Variants in PHEX observed in about 807,000 individuals in gnomAD.
PHEX encodes phosphate-regulating neutral endopeptidase PHEX.
In PHEX, 16 loss-of-function variants were observed where a neutral mutation model predicts 68.0. That is an observed-to-expected ratio of 0.24 (90% CI 0.16 to 0.36). PHEX has a LOEUF of 0.36. Ranked by LOEUF, PHEX falls within the 10% of genes least tolerant of loss-of-function variation. PHEX has a pLI of 1.00. For missense variants in PHEX, 480 were observed against 575.5 expected, an observed-to-expected ratio of 0.83 and a Z score of 1.70; for synonymous variants, 208 against 205.1, an observed-to-expected ratio of 1.01 and a Z score of -0.12.
chrX:22,054,158 G>A (rs1927967558), intron 3 of PHEX, among the ~76,000 whole-genome samples: 1 of 111,141 alleles, frequency 9.0e-6, no homozygotes, highest in Non-Finnish European at 1.9e-5. Context: ...TTTTGAGATG[G>A]AGTTTCACTC....
chrX:22,140,324 A>G (rs746164856), intron 12 of PHEX, among the ~76,000 whole-genome samples: 1 of 110,707 alleles, frequency 9.0e-6, no homozygotes, highest in East Asian at 2.8e-4. Context: ...TCTGCTAAAG[A>G]GCCCTGCTTG....
At chrX:22,182,222 T>C (rs1384120477) in intron 14 of PHEX, among the ~76,000 whole-genome samples, 1 of 111,950 alleles carries the variant, frequency 8.9e-6, no homozygotes, top group Non-Finnish European at 1.9e-5. Flanking sequence ...CATATATGAC[T>C]ATTACTGTGT....
chrX:22,167,404 A>G (rs1307581619), intron 12 of PHEX, among the ~76,000 whole-genome samples: 1 of 110,404 alleles, frequency 9.1e-6, no homozygotes, highest in African/African-American at 3.3e-5. Flanking sequence ...AATGATGTGG[A>G]TCATTAAAAA....
rs144301312 is a variant in PHEX, at chrX:22,194,756, A to G, written c.1645+4254A>G. 9.5e-3 allele frequency among the ~76,000 whole-genome samples: 1,061 copies of G among 112,231 alleles called. 14 individuals carry two copies. Among genetic ancestry groups the G allele is most frequent in the African/African-American group, 0.031 (943 of 30,914 alleles). ...TGATTTGTGGCCATCTTTCAATGTTAGATTTTTACAGGGTGGTTACAACTT... is the reference window on the plus strand; with the variant it reads ...TGATTTGTGGCCATCTTTCAATGTTGGATTTTTACAGGGTGGTTACAACTT... On this transcript the variant is annotated intron_variant, in intron 15 of 21. Coordinates refer to ENST00000379374, the MANE Select transcript of PHEX (RefSeq NM_000444.6).
At chrX:22,146,678 G>A (rs184244770) in intron 12 of PHEX, among the ~76,000 whole-genome samples, 103 of 110,218 alleles carry the variant, frequency 9.3e-4, no homozygotes, top group Middle Eastern at 4.6e-3. Context: ...TTAGCTGGAC[G>A]TGTTGGCACG....
At chrX:22,041,265 C>CTATATATATATATATATATA (rs556410356) in intron 2 of PHEX, among the ~76,000 whole-genome samples, 2 of 72,823 alleles carry the variant, frequency 2.7e-5, no homozygotes, top group Non-Finnish European at 4.8e-5. Context: ...CTCTCTCTCT[C>CTATATATATATATATATATA]TATATATATA....
chrX:22,232,582 G>A (rs1935791791), intron 20 of PHEX, among the ~76,000 whole-genome samples: 1 of 79,032 alleles, frequency 1.3e-5, no homozygotes, highest in Non-Finnish European at 2.4e-5. Context: ...CAGAGATTAG[G>A]ATTGCCACTT....
intron 3 of PHEX, among the ~76,000 whole-genome samples, chrX:22,061,179 T>G (rs905020063): frequency 1.2e-4 from 13 of 112,078 alleles, no homozygotes; most frequent in African/African-American, 3.9e-4. Flanking sequence ...GTCCTGCGCC[T>G]TAGAGAGATG....
At chrX:22,132,679 A>G (rs1029520624) in intron 11 of PHEX, among the ~76,000 whole-genome samples, 3 of 111,440 alleles carry the variant, frequency 2.7e-5, no homozygotes, top group African/African-American at 9.8e-5. Context: ...TGCACAGCCC[A>G]TGCCTTTCCT....
chrX:22,097,798 T>A, intron 8 of PHEX: 2 of 517,857 alleles, frequency 3.9e-6, no homozygotes, highest in Non-Finnish European at 4.7e-6. Context: ...GACACAGTCT[T>A]GCTGTGTCAT....
intron 14 of PHEX, among the ~76,000 whole-genome samples, chrX:22,188,952 T>C (rs1471170135): frequency 8.9e-6 from 1 of 112,186 alleles, no homozygotes; most frequent in East Asian, 2.8e-4. Flanking sequence ...TTCTACTCTC[T>C]ATCTCCACGA....
rs1475486575 is a variant in PHEX, at chrX:22,099,046, G to C, written c.974G>C (p.Arg325Thr). The C allele has an allele frequency of 6.6e-6, 8 of 1,206,427 alleles. No homozygotes were observed. Among genetic ancestry groups the C allele is most frequent in the African/African-American group, 1.8e-5 (1 of 56,753 alleles). ...LGYIKKVIDT[R>T]LYPHLKDISP... ...TACATCAAGAAGGTCATTGACACCAGACTCTACCCCCATCTGAAAGACATC... is the reference window on the plus strand; with the variant it reads ...TACATCAAGAAGGTCATTGACACCACACTCTACCCCCATCTGAAAGACATC... Residue 325 changes from arginine (R) to threonine (T), a missense_variant, in exon 9 of 22, where the codon AGA (arginine) becomes ACA (threonine). Arg to Thr is a moderately conservative substitution (Grantham distance 71). Coordinates refer to ENST00000379374, the MANE Select transcript of PHEX (RefSeq NM_000444.6).
intron 1 of PHEX, among the ~76,000 whole-genome samples, chrX:22,034,643 G>A: frequency 8.9e-6 from 1 of 111,778 alleles, no homozygotes; most frequent in African/African-American, 3.3e-5. Context: ...TCTCTAAGAG[G>A]AGCTCAAATG....
At chrX:22,195,691 T>C (rs28451904) in intron 15 of PHEX, among the ~76,000 whole-genome samples, 5,179 of 111,475 alleles carry the variant, frequency 0.046, 288 homozygotes, top group African/African-American at 0.16. Context: ...GGTGTAAGAC[T>C]AAATACTGTT....
intron 5 of PHEX, among the ~76,000 whole-genome samples, chrX:22,083,274 G>C (rs1929476158): frequency 2.7e-5 from 3 of 112,076 alleles, no homozygotes; most frequent in Admixed American, 9.5e-5. Context: ...CATAGGCCCT[G>C]TACTATATTT....
rs757993540 is a variant in PHEX, at chrX:22,143,936, G to A, written c.1404+10312G>A. Among the ~76,000 whole-genome samples the A allele has an allele frequency of 8.9e-5, 10 of 112,147 alleles. No homozygotes were observed. The South Asian group carries it at 3.4e-3, about 38-fold the overall frequency. ...AATTGAAGCAACTCCTGTAGGGAAAGAAGTATGTCTGACTACTTTATTTTT... is the reference window on the plus strand; with the variant it reads ...AATTGAAGCAACTCCTGTAGGGAAAAAAGTATGTCTGACTACTTTATTTTT... On this transcript the variant is annotated intron_variant, in intron 12 of 21. Coordinates refer to ENST00000379374, the MANE Select transcript of PHEX (RefSeq NM_000444.6).
intron 20 of PHEX, among the ~76,000 whole-genome samples, chrX:22,230,068 T>C (rs181918300): frequency 0.015 from 1,675 of 110,127 alleles, 29 homozygotes; most frequent in African/African-American, 0.053. Flanking sequence ...TGTGGTGTTA[T>C]TTCTGAGGGC....
At chrX:22,163,832 T>C (rs1048415359) in intron 12 of PHEX, among the ~76,000 whole-genome samples, 5 of 111,854 alleles carry the variant, frequency 4.5e-5, no homozygotes, top group African/African-American at 1.6e-4. Flanking sequence ...TAAAAAGTGA[T>C]GTGATTACTA....
At chrX:22,195,064 T>A (rs141078145) in intron 15 of PHEX, among the ~76,000 whole-genome samples, 4,125 of 111,142 alleles carry the variant, frequency 0.037, 187 homozygotes, top group African/African-American at 0.12. Context: ...TTAGTCGAGG[T>A]TTTTATCCTT....
Sources: allele counts gnomAD v4.1 joint callset (sites outside exome capture counted in the v4.1 genomes callset), GRCh38; gene constraint gnomAD v4.1.1; transcripts MANE v1.5; gene names NCBI Gene and HGNC (gene_info 2026-07-23, HGNC 2026-07-21).